TRIM9: variants seen among roughly 807,000 people sequenced by gnomAD.
TRIM9 encodes the protein E3 ubiquitin-protein ligase TRIM9.
A neutral mutation model predicts 78.3 loss-of-function variants in TRIM9; 26 were observed. The ratio of observed to expected loss-of-function variants is 0.33; its 90% confidence interval spans 0.24 to 0.46. TRIM9 has a LOEUF of 0.46. TRIM9 is among the 20% of genes least tolerant of loss of function. The probability of loss-of-function intolerance (pLI) is 1.00; values close to 1 mark genes in which losing one functional copy is unlikely to be tolerated. For missense variants in TRIM9, 787 were observed against 1,036.4 expected (o/e 0.76, Z 3.30); for synonymous variants, 398 against 416.5 (o/e 0.96, Z 0.54).
chr14:51,022,149 A>G (rs2057814809), intron 3 of TRIM9, among the ~76,000 whole-genome samples: 1 of 152,238 alleles, frequency 6.6e-6, no homozygotes, highest in Admixed American at 6.5e-5. Context: ...TATCTCTTCC[A>G]AAACCCATGT....
chr14:51,091,673 A>AT (rs986719874), intron 1 of TRIM9, among the ~76,000 whole-genome samples: 1 of 152,020 alleles, frequency 6.6e-6, no homozygotes, highest in African/African-American at 2.4e-5. Flanking sequence ...CTTCTGTCTT[A>AT]TTTTTTTTCT....
intron 3 of TRIM9, among the ~76,000 whole-genome samples, chr14:51,011,936 T>C (rs1026432877): frequency 6.6e-6 from 1 of 152,220 alleles, no homozygotes; most frequent in Non-Finnish European, 1.5e-5. Flanking sequence ...AAATATCCCA[T>C]TGAGTGGGTA....
At chr14:51,026,135 A>G (rs893370947) in intron 1 of TRIM9, among the ~76,000 whole-genome samples, 14 of 152,072 alleles carry the variant, frequency 9.2e-5, no homozygotes, top group African/African-American at 3.4e-4. Context: ...TCTGCTGGGG[A>G]CTGGAGGGGT....
At chr14:50,991,862 A>G (rs2053555388) in intron 7 of TRIM9, among the ~76,000 whole-genome samples, 1 of 152,190 alleles carries the variant, frequency 6.6e-6, no homozygotes, top group Non-Finnish European at 1.5e-5. Flanking sequence ...GAGGGATACA[A>G]TAGAGACTCA....
At chr14:51,042,965 T>C (rs1431732079) in intron 1 of TRIM9, among the ~76,000 whole-genome samples, 2 of 152,232 alleles carry the variant, frequency 1.3e-5, no homozygotes, top group African/African-American at 4.8e-5. Context: ...TCTATATATC[T>C]ATTCCTGGCA....
chr14:51,027,434 G>A (rs766075809), intron 1 of TRIM9, among the ~76,000 whole-genome samples: 37 of 152,002 alleles, frequency 2.4e-4, no homozygotes, highest in African/African-American at 4.1e-4. Flanking sequence ...GTGAGCCACC[G>A]TGCCCAACCA....
chr14:50,981,285 G>T (rs955300470), intron 11 of TRIM9, among the ~76,000 whole-genome samples: 12 of 152,262 alleles, frequency 7.9e-5, no homozygotes, highest in South Asian at 2.1e-4. Flanking sequence ...ATTCAAATTG[G>T]CATCCATAAG....
chr14:51,046,005 A>C (rs947044988), intron 1 of TRIM9, among the ~76,000 whole-genome samples: 1 of 152,232 alleles, frequency 6.6e-6, no homozygotes, highest in Admixed American at 6.5e-5. Flanking sequence ...ACACACATTG[A>C]CGTAATGTAT....
At chr14:51,091,873 C>T (rs1485013623) in intron 1 of TRIM9, among the ~76,000 whole-genome samples, 1 of 152,194 alleles carries the variant, frequency 6.6e-6, no homozygotes, top group Non-Finnish European at 1.5e-5. Context: ...TGTCTGTCTA[C>T]TCATAATTTC....
intron 1 of TRIM9, among the ~76,000 whole-genome samples, chr14:51,058,427 T>C (rs1290181390): frequency 6.6e-6 from 1 of 152,236 alleles, no homozygotes; most frequent in Non-Finnish European, 1.5e-5. Context: ...CAGGTACTTG[T>C]GAATTGTCTT....
intron 6 of TRIM9, among the ~76,000 whole-genome samples, chr14:50,999,510 C>A (rs541845574): frequency 6.6e-6 from 1 of 152,114 alleles, no homozygotes; most frequent in Non-Finnish European, 1.5e-5. Flanking sequence ...AAAGAGAGAA[C>A]CTTTGTCCTT....
chr14:51,012,450 G>T (rs1596169368), intron 3 of TRIM9, among the ~76,000 whole-genome samples: 2 of 152,182 alleles, frequency 1.3e-5, no homozygotes, highest in South Asian at 4.2e-4. Flanking sequence ...TATGTATATC[G>T]CATTTTGTTT....
At chr14:50,986,170 G>C in intron 7 of TRIM9, 26 bp from the exon 8 acceptor site, 1 of 1,455,718 alleles carries the variant, frequency 6.9e-7, no homozygotes, top group Non-Finnish European at 9.1e-7. Context: ...ATGCAAACTA[G>C]AGATCAGAAG....
intron 2 of TRIM9, among the ~76,000 whole-genome samples, chr14:51,023,328 G>A (rs2057934406): frequency 6.6e-6 from 1 of 152,138 alleles, no homozygotes; most frequent in Non-Finnish European, 1.5e-5. Context: ...GGAGGGAGTG[G>A]GGCATTGCTG....
chr14:51,057,392 AG>A (rs1390853624), intron 1 of TRIM9, among the ~76,000 whole-genome samples: 4 of 152,360 alleles, frequency 2.6e-5, no homozygotes, highest in African/African-American at 9.6e-5. Context: ...TTCTTCAAGA[AG>A]GTTATAATGG....
At chr14:51,058,042 A>G (rs1320853885) in intron 1 of TRIM9, among the ~76,000 whole-genome samples, 2 of 152,240 alleles carry the variant, frequency 1.3e-5, no homozygotes, top group Non-Finnish European at 2.9e-5. Context: ...TAATGCTTCT[A>G]TAAACAGATT....
chr14:51,046,430 T>A (rs2140028849), intron 1 of TRIM9, among the ~76,000 whole-genome samples: 1 of 152,280 alleles, frequency 6.6e-6, no homozygotes, highest in East Asian at 1.9e-4. Context: ...GTACTATGGT[T>A]TTGCAAAATG....
Position 50,979,625 on chromosome 14 carries a change from C to T in TRIM9, c.2163-76G>A, listed in dbSNP as rs2051560629. 21 of 1,273,786 alleles carry T rather than the reference C, an allele frequency of 1.6e-5. No homozygotes were observed. The Admixed American group carries it at 4.1e-4, about 25-fold the overall frequency. The allele number at this position is 1,273,786 out of a possible 1,614,324, so 78.9% of individuals were successfully genotyped here. ...AGCTCCCCCCTTTTGTGTGGTGAAACCAGTGTCTTGCAACCTGTTTATAAT... is the reference window on the plus strand; with the variant it reads ...AGCTCCCCCCTTTTGTGTGGTGAAATCAGTGTCTTGCAACCTGTTTATAAT... On this transcript the variant is annotated intron_variant, in intron 11 of 12. Coordinates refer to ENST00000684578, the MANE Select transcript of TRIM9 (RefSeq NM_001387360.1).
intron 1 of TRIM9, among the ~76,000 whole-genome samples, chr14:51,066,884 C>T (rs771413892): frequency 1.3e-5 from 2 of 152,150 alleles, no homozygotes; most frequent in Non-Finnish European, 2.9e-5. Flanking sequence ...CTATTTATTA[C>T]AAAAGTATAC....
Sources: gnomAD v4.1 joint callset for allele counts (sites outside exome capture counted in the v4.1 genomes callset) on GRCh38, gnomAD v4.1.1 for gene constraint, MANE v1.5 for transcripts, NCBI Gene and HGNC (gene_info 2026-07-23, HGNC 2026-07-21) for gene names.